The following GRK5 variants were observed in gnomAD, a reference collection of about 807,000 sequenced individuals.
The protein encoded by GRK5 is G protein-coupled receptor kinase 5, also known as g protein-coupled receptor kinase GRK5.
A neutral mutation model predicts 78.4 loss-of-function variants in GRK5; 40 were observed. The ratio of observed to expected loss-of-function variants is 0.51; its 90% CI spans 0.40 to 0.66. GRK5 has a LOEUF of 0.66. GRK5 is among the 30% of genes least tolerant of loss of function. GRK5 has a pLI of 0.00. For synonymous variants in GRK5, 289 were observed against 296.8 expected, an observed-to-expected ratio of 0.97 and a Z score of 0.27; for missense variants, 598 against 759.9, an observed-to-expected ratio of 0.79 and a Z score of 2.50.
intron 1 of GRK5, among the ~76,000 whole-genome samples, chr10:119,251,480 C>T (rs1480448672): frequency 1.3e-5 from 2 of 152,242 alleles, no homozygotes; most frequent in Non-Finnish European, 2.9e-5. Context: ...AAGCCTTGGC[C>T]TTCCTCTCCG....
At chr10:119,225,781 C>T (rs1848727232) in intron 1 of GRK5, among the ~76,000 whole-genome samples, 1 of 151,178 alleles carries the variant, frequency 6.6e-6, no homozygotes, top group African/African-American at 2.4e-5. Context: ...AGCAATTCTC[C>T]TGTCTCAGCC....
intron 2 of GRK5, among the ~76,000 whole-genome samples, chr10:119,331,252 C>G (rs1004562856): frequency 6.6e-6 from 1 of 152,210 alleles, no homozygotes; most frequent in Non-Finnish European, 1.5e-5. Flanking sequence ...GAAATGGATT[C>G]TTCTGTTCTG....
intron 1 of GRK5, among the ~76,000 whole-genome samples, chr10:119,282,580 C>T (rs1346930083): frequency 1.3e-5 from 2 of 152,218 alleles, no homozygotes; most frequent in Non-Finnish European, 2.9e-5. Context: ...TGGATGGGCT[C>T]ATGGGCAGAT....
chr10:119,292,032 C>A lies in GRK5; in HGVS notation c.53-34484C>A, dbSNP rs1284021715. 3.4e-5 allele frequency among the ~76,000 whole-genome samples: 4 copies of A among 119,008 alleles called. No homozygotes were observed. The Admixed American group carries it at 3.6e-4, about 11-fold the overall frequency. 78.1% of individuals were successfully genotyped at this position (119,008 alleles called of 152,430 possible). On this transcript the variant is annotated intron_variant, in intron 1 of 15. Coordinates refer to ENST00000392870, the MANE Select transcript of GRK5 (RefSeq NM_005308.3). ...CCTTCTCCTCCTCTTCCTCCTTCTTCTCCTCCTCTTCCTCCTTCTCCTCCT... is the reference window on the plus strand; with the variant it reads ...CCTTCTCCTCCTCTTCCTCCTTCTTATCCTCCTCTTCCTCCTTCTCCTCCT...
At chr10:119,409,319 C>T (rs1221081200) in intron 4 of GRK5, among the ~76,000 whole-genome samples, 1 of 152,250 alleles carries the variant, frequency 6.6e-6, no homozygotes, top group African/African-American at 2.4e-5. Flanking sequence ...CTCCTGACGC[C>T]CTTGAGGCTG....
At chr10:119,423,392 T>G (rs76248739) in intron 5 of GRK5, 126 bp downstream of exon 5, 1 of 667,010 alleles carries the variant, frequency 1.5e-6, no homozygotes, top group African/African-American at 1.8e-5. Flanking sequence ...AGCCAAGTTA[T>G]ACCAACTGTT....
intron 1 of GRK5, among the ~76,000 whole-genome samples, chr10:119,269,177 G>A (rs2133670056): frequency 6.6e-6 from 1 of 152,330 alleles, no homozygotes; most frequent in African/African-American, 2.4e-5. Flanking sequence ...TAAACAAAGA[G>A]GGACTTTTCA....
At chr10:119,287,047 GGGAAGGGAGGGAGGAAAGAAGGAAGAAA>G (rs1278861701) in intron 1 of GRK5, among the ~76,000 whole-genome samples, 1 of 151,372 alleles carries the variant, frequency 6.6e-6, no homozygotes, top group Non-Finnish European at 1.5e-5. Context: ...AAGAATAGGA[GGGAAGGGAGGGAGGAAAGAAGGAAGAAA>G]GGAAGGGAGG....
At chr10:119,438,886 T>C (rs980908706) in intron 9 of GRK5, among the ~76,000 whole-genome samples, 1 of 152,276 alleles carries the variant, frequency 6.6e-6, no homozygotes, top group Non-Finnish European at 1.5e-5. Context: ...TATCATTTGA[T>C]GAGGCTCACT....
chr10:119,234,073 T>C (rs1383572335), intron 1 of GRK5, among the ~76,000 whole-genome samples: 2 of 152,214 alleles, frequency 1.3e-5, no homozygotes, highest in East Asian at 3.8e-4. Flanking sequence ...TAGGGCTGGG[T>C]GCCACCTCCC....
At chr10:119,453,905 G>C (rs1244451957) in intron 15 of GRK5, among the ~76,000 whole-genome samples, 1 of 152,170 alleles carries the variant, frequency 6.6e-6, no homozygotes, top group Non-Finnish European at 1.5e-5. Context: ...CTGGCCCTGG[G>C]TAAGGGTTGG....
At chr10:119,312,450 G>A (rs569102166) in intron 1 of GRK5, among the ~76,000 whole-genome samples, 102 of 152,258 alleles carry the variant, frequency 6.7e-4, no homozygotes, top group African/African-American at 2.2e-3. Context: ...GCTGCACCTC[G>A]AGAGCCCAAT....
intron 2 of GRK5, among the ~76,000 whole-genome samples, chr10:119,366,250 T>C (rs930658338): frequency 7.2e-5 from 11 of 152,168 alleles, no homozygotes; most frequent in Non-Finnish European, 1.5e-4. Context: ...GTAAACAGGA[T>C]CCTGGTGAAT....
intron 4 of GRK5, among the ~76,000 whole-genome samples, chr10:119,403,292 G>A (rs1252083486): frequency 4.6e-5 from 7 of 151,532 alleles, no homozygotes; most frequent in East Asian, 2.0e-4. Flanking sequence ...TCAGCCTCCC[G>A]AGTAGCTGGG....
At chr10:119,298,857 C>T (rs1850127439) in intron 1 of GRK5, among the ~76,000 whole-genome samples, 1 of 152,188 alleles carries the variant, frequency 6.6e-6, no homozygotes, top group South Asian at 2.1e-4. Context: ...GCCACATCCC[C>T]CACTCCTGGC....
chr10:119,281,291 G>GA (rs1327555705), intron 1 of GRK5, among the ~76,000 whole-genome samples: 1 of 151,878 alleles, frequency 6.6e-6, no homozygotes, highest in South Asian at 2.1e-4. Flanking sequence ...GCCTCCTTGG[G>GA]AAAAAATTGC....
At chr10:119,384,863 A>G (rs570041808) in intron 3 of GRK5, among the ~76,000 whole-genome samples, 1 of 152,316 alleles carries the variant, frequency 6.6e-6, no homozygotes, top group South Asian at 2.1e-4. Context: ...ATGACATGGA[A>G]TGTTCGAAGG....
At chr10:119,337,470 A>C (rs906060919) in intron 2 of GRK5, among the ~76,000 whole-genome samples, 1 of 151,936 alleles carries the variant, frequency 6.6e-6, no homozygotes. Context: ...TGGGAGGGAG[A>C]AGCTGTTTCA....
intron 3 of GRK5, among the ~76,000 whole-genome samples, chr10:119,385,201 G>A (rs1236063571): frequency 6.6e-6 from 1 of 152,156 alleles, no homozygotes; most frequent in African/African-American, 2.4e-5. Flanking sequence ...GGGTGAAATG[G>A]GGGAGCCACT....
Sources: allele counts gnomAD v4.1 joint callset (sites outside exome capture counted in the v4.1 genomes callset), GRCh38; gene constraint gnomAD v4.1.1; transcripts MANE v1.5; gene names NCBI Gene and HGNC (gene_info 2026-07-23, HGNC 2026-07-21).